APAF1: variants seen among roughly 807,000 people sequenced by gnomAD.
The protein encoded by APAF1 is apoptotic peptidase activating factor 1, also known as apoptotic protease-activating factor 1.
A neutral mutation model predicts 152.4 loss-of-function variants in APAF1; 91 were observed. That is an observed-to-expected ratio of 0.60 (90% confidence interval 0.50 to 0.71). The LOEUF (loss-of-function observed/expected upper bound fraction) is 0.71. Among genes scored for constraint, APAF1 ranks in the 30% least tolerant of loss-of-function variants. The pLI, the probability that APAF1 is intolerant of heterozygous loss-of-function variation, is 0.00. For missense variants in APAF1, 1,283 were observed against 1,472.0 expected, an observed-to-expected ratio of 0.87 and a Z score of 2.10; for synonymous variants, 484 against 494.1, an observed-to-expected ratio of 0.98 and a Z score of 0.27.
chr12:98,648,511 A>G lies in APAF1; in HGVS notation c.138+14A>G. On this transcript the variant is annotated intron_variant, in intron 2 of 26. Coordinates refer to ENST00000551964, the MANE Select transcript of APAF1 (RefSeq NM_181861.2). ...GTAAGAAATGAGGTAAAGCTCTCTG[A>G]AGCAGTCCACACTTCCTTAAAAATT... The G allele has an allele frequency of 6.2e-7, 1 of 1,612,860 alleles. No individual in the cohort carries two copies. Among genetic ancestry groups the G allele is most frequent in the Non-Finnish European group, 8.5e-7 (1 of 1,179,614 alleles).
intron 16 of APAF1, among the ~76,000 whole-genome samples, chr12:98,693,849 T>C (rs2097707031): frequency 6.6e-6 from 1 of 150,546 alleles, no homozygotes; most frequent in Non-Finnish European, 1.5e-5. Flanking sequence ...TGGTGGAGAA[T>C]CTCCTCTAGC....
At chr12:98,652,486 G>A (rs2097650194) in intron 4 of APAF1, among the ~76,000 whole-genome samples, 1 of 151,556 alleles carries the variant, frequency 6.6e-6, no homozygotes, top group African/African-American at 2.4e-5. Context: ...TTAGCCTTTT[G>A]GGTTTCTTTT....
At chr12:98,703,127 T>C (rs904966811) in intron 17 of APAF1, among the ~76,000 whole-genome samples, 2 of 152,206 alleles carry the variant, frequency 1.3e-5, no homozygotes, top group African/African-American at 4.8e-5. Context: ...TTATTTCTCT[T>C]TAGGCTAGCT....
intron 4 of APAF1, among the ~76,000 whole-genome samples, chr12:98,652,037 A>G (rs980941183): frequency 1.9e-4 from 29 of 152,072 alleles, no homozygotes; most frequent in Non-Finnish European, 3.5e-4. Flanking sequence ...TTGGTCTCGA[A>G]CTCCTGAGCT....
At position 98,649,488 on chromosome 12, in the gene APAF1, A is replaced by C. The variant is rs1329964577; in HGVS notation, c.330A>C (p.Val110=). 2.5e-6 allele frequency: 4 copies of C among 1,613,968 alleles called. No homozygotes were observed. In the African/African-American group the frequency reaches 4.0e-5, roughly 16 times the overall value. The change falls in exon 4 of 27, where the codon GTA becomes GTC. Residue 110 remains valine, a splice_region_variant and synonymous_variant. Coordinates refer to ENST00000551964, the MANE Select transcript of APAF1 (RefSeq NM_181861.2). ...TGCTTGTTTTGTTTTGGATTTTAGT[A>C]AGGACAGTCCTGTGTGAAGGTGGAG... The part of the protein sequence containing the change: ...KDSVSGITSY[V]RTVLCEGGVP...
chr12:98,729,521 G>A (rs569221642), intron 26 of APAF1, among the ~76,000 whole-genome samples: 102 of 152,330 alleles, frequency 6.7e-4, no homozygotes, highest in Non-Finnish European at 1.1e-3. Context: ...CTCACCTTCT[G>A]CTCTGCGGAT....
chr12:98,703,355 C>G lies in APAF1; in HGVS notation c.2467-16C>G, dbSNP rs1565884622. ...AAGTATTTTACCTTCATAGGTATCTCTATTTATGTTGACAGCTTTTTGACA... is the reference window on the plus strand; with the variant it reads ...AAGTATTTTACCTTCATAGGTATCTGTATTTATGTTGACAGCTTTTTGACA... On this transcript the variant is annotated splice_polypyrimidine_tract_variant and intron_variant, in intron 17 of 26. Coordinates refer to ENST00000551964, the MANE Select transcript of APAF1 (RefSeq NM_181861.2). 1.2e-6 allele frequency: 2 copies of G among 1,613,816 alleles called. No individual in the cohort carries two copies. Among genetic ancestry groups the G allele is most frequent in the Admixed American group, 3.3e-5 (2 of 60,022 alleles).
At chr12:98,695,232 T>C (rs1294144017) in intron 16 of APAF1, among the ~76,000 whole-genome samples, 1 of 152,116 alleles carries the variant, frequency 6.6e-6, no homozygotes, top group African/African-American at 2.4e-5. Context: ...TTTGTGTTTT[T>C]AGTAGAGACG....
intron 1 of APAF1, among the ~76,000 whole-genome samples, chr12:98,647,705 GTTT>G (rs66849928): frequency 2.8e-5 from 3 of 105,520 alleles, no homozygotes; most frequent in East Asian, 2.9e-4. Context: ...TCATGTTTCT[GTTT>G]TTTTTTTTTT....
chr12:98,675,466 G>A (rs140641858), intron 12 of APAF1, among the ~76,000 whole-genome samples: 17 of 152,190 alleles, frequency 1.1e-4, no homozygotes, highest in African/African-American at 3.4e-4. Flanking sequence ...CTCCATATCC[G>A]TGGTTCTATA....
At chr12:98,672,366 T>C (rs2097681330) in intron 12 of APAF1, among the ~76,000 whole-genome samples, 3 of 152,112 alleles carry the variant, frequency 2.0e-5, no homozygotes, top group Admixed American at 2.0e-4. Flanking sequence ...GGTTTCGTCA[T>C]GTTGGCCAGG....
At position 98,712,446 on chromosome 12, in the gene APAF1, C is replaced by G. The variant is rs2097729019; in HGVS notation, c.2958+11C>G. The stretch of plus-strand genomic sequence containing the variant: ...AATGGAGCCATTGAGGTATTCAGTG[C>G]TAGTCTTCAGAATCTTTCTGTACAG... On this transcript the variant is annotated intron_variant, in intron 21 of 26. Transcript: ENST00000551964. 3 of 1,378,136 alleles carry G rather than the reference C, an allele frequency of 2.2e-6. No homozygotes were observed. The highest frequency in any genetic ancestry group is 3.1e-6 in the Non-Finnish European group (3 of 964,676). 85.4% of individuals were successfully genotyped at this position (1,378,136 alleles called of 1,614,324 possible).
chr12:98,656,341 T>C (rs918350263), intron 4 of APAF1, among the ~76,000 whole-genome samples: 1 of 152,174 alleles, frequency 6.6e-6, no homozygotes, highest in African/African-American at 2.4e-5. Flanking sequence ...TTAAGTGAAG[T>C]CTCAAGGACT....
At chr12:98,708,799 A>G (rs1469021222) in intron 20 of APAF1, 95 bp downstream of exon 20, 4 of 1,285,998 alleles carry the variant, frequency 3.1e-6, no homozygotes, top group Non-Finnish European at 4.4e-6. Flanking sequence ...AAGCATAATT[A>G]TTTTGTATCT....
intron 10 of APAF1, 24 bp downstream of exon 10, chr12:98,667,668 C>T: frequency 6.2e-7 from 1 of 1,603,646 alleles, no homozygotes. Flanking sequence ...TTTAAAAATT[C>T]TTTTATCTGA....
chr12:98,700,152 C>CA (rs773569845), intron 17 of APAF1, among the ~76,000 whole-genome samples: 10 of 152,116 alleles, frequency 6.6e-5, no homozygotes, highest in Admixed American at 1.3e-4. Flanking sequence ...TTGTGGTATT[C>CA]AGAGTGCCCT....
Position 98,662,736 on chromosome 12 carries a change from A to T in APAF1, c.885A>T (p.Leu295Phe), listed in dbSNP as rs1392873920. 6.2e-7 allele frequency: 1 copy of T among 1,612,616 alleles called. No homozygotes were observed. Among genetic ancestry groups the T allele is most frequent in the African/African-American group, 1.3e-5 (1 of 74,898 alleles). The change falls in exon 7 of 27, where the codon TTA (leucine) becomes TTT (phenylalanine). Residue 295 changes from leucine to phenylalanine, a missense_variant. Leu to Phe is a conservative substitution (Grantham distance 22). Transcript: ENST00000551964. ...SLGKEKGLEI[L>F]SLFVNMKKAD... The stretch of plus-strand genomic sequence containing the variant: ...GAAAGGAAAAAGGACTTGAAATTTT[A>T]TCCCTTTTTGTTAATATGAAGAAGG...
chr12:98,664,646 G>T (rs928978580), intron 7 of APAF1, among the ~76,000 whole-genome samples: 3 of 151,886 alleles, frequency 2.0e-5, no homozygotes, highest in Non-Finnish European at 4.4e-5. Context: ...CAATCCTCCT[G>T]CCCCAGCCTC....
rs144360239 is a variant in APAF1 at position 98,667,196 on chromosome 12, G to A, written c.1363-317G>A. ...ACTGCAATCTTAAACTCCTGGGCTCGGTTGGTCCTGAGTAGCTAATTCCCG... is the reference window on the plus strand; with the variant it reads ...ACTGCAATCTTAAACTCCTGGGCTCAGTTGGTCCTGAGTAGCTAATTCCCG... On this transcript the variant is annotated intron_variant, in intron 9 of 26. Transcript: ENST00000551964. Among the ~76,000 whole-genome samples, 1,011 of 151,596 alleles carry A rather than the reference G, an allele frequency of 6.7e-3. 11 individuals carry two copies. The highest frequency in any genetic ancestry group is 0.023 in the African/African-American group (957 of 41,324).
Sources: allele counts gnomAD v4.1 joint callset (sites outside exome capture counted in the v4.1 genomes callset), GRCh38; gene constraint gnomAD v4.1.1; transcripts MANE v1.5; gene names NCBI Gene and HGNC (gene_info 2026-07-23, HGNC 2026-07-21).